The following AK7 variants were observed in gnomAD, a reference collection of about 807,000 sequenced individuals.
AK7 encodes the protein ATP-AMP transphosphorylase 7.
AK7 carries 78 observed loss-of-function variants against 96.6 expected under a neutral mutation model. The ratio of observed to expected loss-of-function variants is 0.81; its 90% CI spans 0.67 to 0.97. AK7 has a LOEUF of 0.97. Among genes scored for constraint, AK7 ranks in the 50% least tolerant of loss-of-function variants. The pLI is 0.00. For synonymous variants in AK7, 302 were observed against 317.2 expected (o/e 0.95, Z 0.51); for missense variants, 855 against 887.9 (o/e 0.96, Z 0.47).
intron 6 of AK7, among the ~76,000 whole-genome samples, chr14:96,441,690 A>G (rs1324276255): frequency 6.6e-6 from 1 of 151,380 alleles, no homozygotes; most frequent in Non-Finnish European, 1.5e-5. Context: ...TTTGAATGAG[A>G]GACAGGTTTG....
rs1893928008 is a variant in AK7, at chr14:96,456,621, A to T, written c.1227+146A>T. 5.7e-6 allele frequency: 5 copies of T among 875,160 alleles called. No individual in the cohort carries two copies. The South Asian group carries it at 8.5e-5, about 15-fold the overall frequency. The allele number at this position is 875,160 out of a possible 1,614,324, so 54.2% of individuals were successfully genotyped here. A position where few individuals can be genotyped will look rare whatever the true frequency, so the allele number is the denominator to read the frequency against. On this transcript the variant is annotated intron_variant, in intron 11 of 17. Coordinates refer to ENST00000267584, the MANE Select transcript of AK7 (RefSeq NM_152327.5). ...TGGCAACATCCAAGGTGTCCTAATC[A>T]GTAGCCAGGGGAACATCTGGCTTCT...
Position 96,458,106 on chromosome 14 carries a change from T to A in AK7, c.1251T>A (p.Asp417Glu). The change falls in exon 12 of 18, where the codon GAT (aspartate) becomes GAA (glutamate). Residue 417 changes from aspartate (D) to glutamate (E), a missense_variant. By Grantham distance (45) the Asp-to-Glu change is conservative (BLOSUM62 2). Transcript: ENST00000267584. Reference protein sequence around the residue: ...AKLEAIVAPNDVGEGEEEVEE... With the variant: ...AKLEAIVAPNEVGEGEEEVEE... Reference sequence around the variant, plus strand: ...AGGAGGCGATTGTTGCCCCTAACGATGTAGGGGAAGGAGAAGAAGAAGTCG... The same window carrying A: ...AGGAGGCGATTGTTGCCCCTAACGAAGTAGGGGAAGGAGAAGAAGAAGTCG... 6.2e-7 allele frequency: 1 copy of A among 1,613,262 alleles called. No individual in the cohort carries two copies. The highest frequency in any genetic ancestry group is 8.5e-7 in the Non-Finnish European group (1 of 1,179,602).
intron 5 of AK7, among the ~76,000 whole-genome samples, chr14:96,433,618 T>A (rs1266448199): frequency 6.6e-6 from 1 of 152,198 alleles, no homozygotes; most frequent in Non-Finnish European, 1.5e-5. Flanking sequence ...TGTTCGAACA[T>A]CCTCCTTTAG....
At chr14:96,414,618 G>C (rs575910215) in intron 4 of AK7, among the ~76,000 whole-genome samples, 7 of 152,328 alleles carry the variant, frequency 4.6e-5, no homozygotes, top group Admixed American at 3.9e-4. Flanking sequence ...GAACAGCAGA[G>C]CCAGTTTCCA....
chr14:96,485,697 T>G (rs1276084320), intron 16 of AK7, among the ~76,000 whole-genome samples: 1 of 152,232 alleles, frequency 6.6e-6, no homozygotes, highest in Non-Finnish European at 1.5e-5. Flanking sequence ...GTTTCATGTT[T>G]ATATGTACTC....
intron 4 of AK7, among the ~76,000 whole-genome samples, chr14:96,410,831 C>T (rs1422608160): frequency 7.9e-5 from 12 of 151,972 alleles, no homozygotes; most frequent in East Asian, 1.9e-4. Flanking sequence ...GGCGAAACCA[C>T]GTCTCTACAA....
chr14:96,449,929 T>C (rs1893493238), intron 9 of AK7, 50 bp downstream of exon 9: 5 of 1,323,286 alleles, frequency 3.8e-6, no homozygotes, highest in Admixed American at 2.1e-5. Flanking sequence ...CTCAATAATA[T>C]GGAGTATTGT....
At chr14:96,456,822 T>C (rs780577789) in intron 11 of AK7, 3 of 229,356 alleles carry the variant, frequency 1.3e-5, no homozygotes, top group East Asian at 1.1e-4. Flanking sequence ...TAGTTGATGA[T>C]GGCAGAGTGG....
intron 5 of AK7, chr14:96,423,688 T>C (rs1891847319): frequency 1.0e-5 from 7 of 673,868 alleles, no homozygotes; most frequent in South Asian, 4.1e-5. Flanking sequence ...GTCGCCGAGC[T>C]GCCCCCTACT....
At chr14:96,485,549 A>G (rs1829692656) in intron 16 of AK7, among the ~76,000 whole-genome samples, 1 of 152,226 alleles carries the variant, frequency 6.6e-6, no homozygotes, top group Admixed American at 6.5e-5. Context: ...TACGTAAACT[A>G]TGCACGTGCC....
intron 1 of AK7, among the ~76,000 whole-genome samples, chr14:96,395,270 AAAGT>A (rs1414385144): frequency 2.0e-5 from 3 of 152,238 alleles, no homozygotes; most frequent in African/African-American, 7.2e-5. Flanking sequence ...TTCTTACAAT[AAAGT>A]AAGCTAGAGG....
At chr14:96,480,994 T>A (rs900017978) in intron 15 of AK7, among the ~76,000 whole-genome samples, 6 of 152,208 alleles carry the variant, frequency 3.9e-5, no homozygotes, top group African/African-American at 1.4e-4. Flanking sequence ...TCTCTCAGTG[T>A]CTCTTTGTCC....
intron 5 of AK7, among the ~76,000 whole-genome samples, chr14:96,422,495 A>T (rs1183341698): frequency 6.6e-6 from 1 of 152,196 alleles, no homozygotes; most frequent in African/African-American, 2.4e-5. Flanking sequence ...TCTTATCCAT[A>T]TGGACAGGCG....
In AK7 at chr14:96,424,146, G is replaced by A. The variant is rs565354628; in HGVS notation, c.609+3214G>A. On this transcript the variant is annotated intron_variant, in intron 5 of 17. Coordinates refer to ENST00000267584, the MANE Select transcript of AK7 (RefSeq NM_152327.5). ...CCACCCCGTGCAGGTGACATGCAGC[G>A]GGTGCTGCGGCTGTTCGTCCACTTC... 14 of 628,930 alleles carry A rather than the reference G, an allele frequency of 2.2e-5. 1 individual carries two copies. The highest frequency in any genetic ancestry group is 2.1e-4 in the South Asian group (14 of 66,420). The allele number at this position is 628,930 out of a possible 1,614,324, so 39.0% of individuals were successfully genotyped here.
intron 7 of AK7, 78 bp from the exon 8 acceptor site, chr14:96,446,436 GGGT>G: frequency 1.7e-6 from 2 of 1,190,722 alleles, no homozygotes; most frequent in Non-Finnish European, 2.5e-6. Context: ...CCAGCCATGG[GGGT>G]GGTGGTCAGT....
chr14:96,424,465 A>G (rs898891401), intron 5 of AK7, among the ~76,000 whole-genome samples: 1 of 152,252 alleles, frequency 6.6e-6, no homozygotes, highest in African/African-American at 2.4e-5. Context: ...TCTGTGAGGT[A>G]GGTACTACTA....
intron 1 of AK7, among the ~76,000 whole-genome samples, chr14:96,396,465 A>G (rs558731746): frequency 1.3e-5 from 2 of 152,346 alleles, no homozygotes; most frequent in South Asian, 4.1e-4. Context: ...ATAAAATTGA[A>G]TATGTATGTT....
At chr14:96,461,674 C>A (rs1219809832) in intron 12 of AK7, among the ~76,000 whole-genome samples, 2 of 150,458 alleles carry the variant, frequency 1.3e-5, no homozygotes, top group African/African-American at 4.9e-5. Context: ...TCACTGCAAG[C>A]TCTGCCTCCT....
chr14:96,448,260 A>G (rs1893358510), intron 8 of AK7, among the ~76,000 whole-genome samples: 1 of 152,144 alleles, frequency 6.6e-6, no homozygotes, highest in Admixed American at 6.6e-5. Context: ...GAACTGCTAC[A>G]ACAAAATACC....
Sources: allele counts gnomAD v4.1 joint callset (sites outside exome capture counted in the v4.1 genomes callset), GRCh38; gene constraint gnomAD v4.1.1; transcripts MANE v1.5; gene names NCBI Gene and HGNC (gene_info 2026-07-23, HGNC 2026-07-21).